RASGEF1A: variants seen among roughly 807,000 people sequenced by gnomAD.
RASGEF1A encodes RasGEF domain family member 1A, also known as ras-GEF domain-containing family member 1A.
In RASGEF1A, 18 loss-of-function variants were observed where a neutral mutation model predicts 56.4. The ratio of observed to expected loss-of-function variants is 0.32; its 90% CI spans 0.22 to 0.47. The LOEUF (loss-of-function observed/expected upper bound fraction) is 0.47. Among genes scored for constraint, RASGEF1A ranks in the 20% least tolerant of loss-of-function variants. The pLI, the probability that RASGEF1A is intolerant of heterozygous loss-of-function variation, is 1.00. For synonymous variants in RASGEF1A, 245 were observed against 242.6 expected (o/e 1.01, Z -0.09); for missense variants, 422 against 627.1 (o/e 0.67, Z 3.49).
chr10:43,211,154 G>A (rs368468128), intron 1 of RASGEF1A, among the ~76,000 whole-genome samples: 11 of 152,308 alleles, frequency 7.2e-5, no homozygotes, highest in East Asian at 5.8e-4. Flanking sequence ...CCTGGAGGAC[G>A]CGCCTCACTC....
At position 43,229,950 on chromosome 10, in the gene RASGEF1A, G is replaced by T. The variant is rs1368331985; in HGVS notation, c.-6-23828C>A. On this transcript the variant is annotated intron_variant, in intron 1 of 12. Transcript: ENST00000395810. The stretch of plus-strand genomic sequence containing the variant: ...GGGCGGCCTGGAGCGCTGTCAGGAG[G>T]AGCTGCCTGGGCCGGGCGCGCGCCT... Among the ~76,000 whole-genome samples the T allele has an allele frequency of 2.6e-5, 4 of 151,936 alleles. No homozygotes were observed. The East Asian group carries it at 5.8e-4, about 22-fold the overall frequency.
chr10:43,241,306 C>A (rs1043302752), intron 1 of RASGEF1A, among the ~76,000 whole-genome samples: 13 of 152,132 alleles, frequency 8.5e-5, no homozygotes, highest in Non-Finnish European at 1.3e-4. Context: ...AATTAAAAGA[C>A]AACTGCATGA....
intron 2 of RASGEF1A, 169 bp from the exon 3 acceptor site, chr10:43,203,589 A>C: frequency 8.0e-7 from 1 of 1,246,520 alleles, no homozygotes; most frequent in Non-Finnish European, 1.1e-6. Context: ...TCCTCCTCTT[A>C]CTGCTACCCC....
chr10:43,203,875 G>A (rs1283308168), intron 2 of RASGEF1A: 8 of 785,292 alleles, frequency 1.0e-5, no homozygotes, highest in Middle Eastern at 1.3e-3. Context: ...CCTGTCGGGA[G>A]CAGGGCTGAT....
intron 1 of RASGEF1A, among the ~76,000 whole-genome samples, chr10:43,217,213 C>T (rs539370683): frequency 3.9e-5 from 6 of 152,288 alleles, no homozygotes; most frequent in African/African-American, 1.4e-4. Flanking sequence ...CCTGAGGGCA[C>T]CACCCCAGCA....
chr10:43,203,206 C>G, intron 3 of RASGEF1A, 92 bp downstream of exon 3: 1 of 1,143,584 alleles, frequency 8.7e-7, no homozygotes, highest in Non-Finnish European at 1.2e-6. Context: ...CCCAGCTCTA[C>G]CGTGAACCCC....
At chr10:43,207,647 G>A in intron 1 of RASGEF1A, 1 of 985,566 alleles carries the variant, frequency 1.0e-6, no homozygotes, top group Non-Finnish European at 1.2e-6. Flanking sequence ...TCCAGGACAG[G>A]GAGGTCATGG....
chr10:43,208,333 A>G, intron 1 of RASGEF1A: 1 of 985,916 alleles, frequency 1.0e-6, no homozygotes, highest in Non-Finnish European at 1.2e-6. Context: ...CCACAAACTC[A>G]GCCCCAGCCG....
chr10:43,258,996 G>A (rs1256013085), intron 1 of RASGEF1A, among the ~76,000 whole-genome samples: 1 of 152,228 alleles, frequency 6.6e-6, no homozygotes, highest in Non-Finnish European at 1.5e-5. Context: ...GGCTGGCCCT[G>A]GTCTCTGGTT....
At chr10:43,201,722 A>T in intron 4 of RASGEF1A, 86 bp downstream of exon 4, 1 of 1,340,652 alleles carries the variant, frequency 7.5e-7, no homozygotes, top group East Asian at 2.4e-5. Context: ...GACCACATAC[A>T]GAGTTGTCCC....
At chr10:43,210,211 C>A (rs879632482) in intron 1 of RASGEF1A, among the ~76,000 whole-genome samples, 1 of 152,202 alleles carries the variant, frequency 6.6e-6, no homozygotes, top group South Asian at 2.1e-4. Flanking sequence ...GAGGCTCATG[C>A]CTGTAATCCC....
At chr10:43,220,065 G>A (rs1019405381) in intron 1 of RASGEF1A, among the ~76,000 whole-genome samples, 1 of 152,200 alleles carries the variant, frequency 6.6e-6, no homozygotes, top group Non-Finnish European at 1.5e-5. Context: ...CCCCCATGCC[G>A]TGGACACAGG....
chr10:43,258,860 T>C (rs1879302), intron 1 of RASGEF1A, among the ~76,000 whole-genome samples: 89,228 of 152,206 alleles, frequency 0.59, 27,830 homozygotes, highest in Non-Finnish European at 0.71. Context: ...ATGGGCCTCC[T>C]GACCACCAGG....
Position 43,198,920 on chromosome 10 carries a change from C to G in RASGEF1A, c.1032+13G>C. 1 of 1,611,200 alleles carries G rather than the reference C, an allele frequency of 6.2e-7. No homozygotes were observed. The highest frequency in any genetic ancestry group is 8.5e-7 in the Non-Finnish European group (1 of 1,178,768). On this transcript the variant is annotated intron_variant, in intron 9 of 12. Transcript: ENST00000395810. The stretch of plus-strand genomic sequence containing the variant: ...GGTGCAGCTCGCAGCTGTGACGGGG[C>G]TCAGGTGCCTACCTCCAAGACATCA...
intron 1 of RASGEF1A, among the ~76,000 whole-genome samples, chr10:43,211,614 C>T (rs182918896): frequency 2.4e-4 from 37 of 152,332 alleles, no homozygotes; most frequent in Admixed American, 1.3e-3. Flanking sequence ...GCTGCTGTCC[C>T]CCAGAGGATG....
At chr10:43,215,548 C>T (rs1172801977) in intron 1 of RASGEF1A, among the ~76,000 whole-genome samples, 2 of 152,200 alleles carry the variant, frequency 1.3e-5, no homozygotes, top group African/African-American at 4.8e-5. Context: ...TGCCACGGAC[C>T]CGACAGAATG....
chr10:43,250,029 C>T (rs1392687031), intron 1 of RASGEF1A, among the ~76,000 whole-genome samples: 1 of 152,086 alleles, frequency 6.6e-6, no homozygotes, highest in Non-Finnish European at 1.5e-5. Flanking sequence ...GGCAAGCACA[C>T]CACCTCTGTG....
Position 43,252,434 on chromosome 10 carries a change from G to A in RASGEF1A, c.-7+14411C>T, listed in dbSNP as rs143786699. 5.3e-3 allele frequency among the ~76,000 whole-genome samples: 807 copies of A among 152,162 alleles called. 1 individual carries two copies. The highest frequency in any genetic ancestry group is 9.2e-3 in the Non-Finnish European group (623 of 67,964). ...AGGCAGGGAGGAAGGGGTGGGCTAC[G>A]GGGCTGCGGGACAGGCCGGGGCTCG... On this transcript the variant is annotated intron_variant, in intron 1 of 12. Coordinates refer to ENST00000395810, the MANE Select transcript of RASGEF1A (RefSeq NM_145313.4).
At chr10:43,223,639 T>C (rs1243112237) in intron 1 of RASGEF1A, among the ~76,000 whole-genome samples, 1 of 152,174 alleles carries the variant, frequency 6.6e-6, no homozygotes, top group Non-Finnish European at 1.5e-5. Context: ...AATCAAAGAA[T>C]AGAGTAGAAC....
Sources: gnomAD v4.1 joint callset for allele counts (sites outside exome capture counted in the v4.1 genomes callset) on GRCh38, gnomAD v4.1.1 for gene constraint, MANE v1.5 for transcripts, NCBI Gene and HGNC (gene_info 2026-07-23, HGNC 2026-07-21) for gene names.